The following OPCML variants were observed in gnomAD, a reference collection of about 807,000 sequenced individuals.
OPCML encodes opioid-binding protein/cell adhesion molecule.
Under a neutral mutation model 37.8 loss-of-function variants are expected in OPCML, and 13 were observed. The ratio of observed to expected loss-of-function variants is 0.34; its 90% CI spans 0.22 to 0.55. OPCML has a LOEUF of 0.55. OPCML is among the 20% of genes least tolerant of loss of function. The pLI, the probability that OPCML is intolerant of heterozygous loss-of-function variation, is 0.91. For synonymous variants in OPCML, 176 were observed against 168.8 expected (o/e 1.04, Z -0.33); for missense variants, 341 against 435.6 (o/e 0.78, Z 1.93).
chr11:133,129,253 G>A (rs1565461697), intron 1 of OPCML, among the ~76,000 whole-genome samples: 1 of 152,152 alleles, frequency 6.6e-6, no homozygotes, highest in Admixed American at 6.5e-5. Flanking sequence ...GTACTCAGTT[G>A]AGTACAGATC....
intron 4 of OPCML, among the ~76,000 whole-genome samples, chr11:132,518,061 T>A (rs1049162192): frequency 3.3e-5 from 5 of 152,208 alleles, no homozygotes; most frequent in African/African-American, 7.2e-5. Flanking sequence ...AAAACTTTTT[T>A]AAAAAATTAT....
intron 2 of OPCML, among the ~76,000 whole-genome samples, chr11:132,870,011 A>T (rs1216524905): frequency 6.6e-6 from 1 of 152,214 alleles, no homozygotes; most frequent in Non-Finnish European, 1.5e-5. Flanking sequence ...GGGATAAATA[A>T]CATCATGTAA....
chr11:133,176,418 T>C (rs1049492937), intron 1 of OPCML, among the ~76,000 whole-genome samples: 1 of 151,782 alleles, frequency 6.6e-6, no homozygotes, highest in Non-Finnish European at 1.5e-5. Context: ...GGTTTGGATA[T>C]TTGTCCCCCA....
intron 3 of OPCML, among the ~76,000 whole-genome samples, chr11:132,612,470 T>C (rs1251710263): frequency 6.6e-6 from 1 of 152,204 alleles, no homozygotes; most frequent in African/African-American, 2.4e-5. Context: ...TGAAACCTGT[T>C]TTATCTTGAG....
intron 3 of OPCML, among the ~76,000 whole-genome samples, chr11:132,631,377 C>A (rs1265077005): frequency 3.2e-5 from 4 of 126,536 alleles, no homozygotes; most frequent in East Asian, 2.1e-4. Context: ...ATATATATAT[C>A]TCCTAGGTGT....
chr11:132,808,254 G>A (rs888669520), intron 2 of OPCML, among the ~76,000 whole-genome samples: 1 of 152,198 alleles, frequency 6.6e-6, no homozygotes, highest in Non-Finnish European at 1.5e-5. Flanking sequence ...GCGGGATGTT[G>A]AGACACTATA....
chr11:133,457,985 A>T (rs1946709618), intron 1 of OPCML, among the ~76,000 whole-genome samples: 1 of 151,736 alleles, frequency 6.6e-6, no homozygotes, highest in South Asian at 2.1e-4. Context: ...TCTCTACTAA[A>T]AGTACAAAAA....
At chr11:132,796,768 C>T (rs1298793881) in intron 2 of OPCML, among the ~76,000 whole-genome samples, 10 of 151,694 alleles carry the variant, frequency 6.6e-5, no homozygotes, top group African/African-American at 2.2e-4. Flanking sequence ...TTAGTAGAGA[C>T]GGGGTTTCAC....
intron 1 of OPCML, among the ~76,000 whole-genome samples, chr11:133,448,776 T>A (rs1946523858): frequency 6.6e-6 from 1 of 152,218 alleles, no homozygotes; most frequent in Admixed American, 6.5e-5. Context: ...CTAGCATTTT[T>A]AAACCCAAGT....
intron 1 of OPCML, among the ~76,000 whole-genome samples, chr11:132,944,036 C>T (rs1055903842): frequency 2.6e-5 from 4 of 151,720 alleles, no homozygotes; most frequent in Admixed American, 6.6e-5. Flanking sequence ...CTCATCCCGA[C>T]GGGCGGGCGC....
intron 1 of OPCML, among the ~76,000 whole-genome samples, chr11:133,247,593 T>TTCATCTG (rs1565528134): frequency 2.0e-5 from 3 of 149,242 alleles, no homozygotes; most frequent in South Asian, 2.2e-4. Flanking sequence ...TCATCTGTCT[T>TTCATCTG]TCTTTCTTTC....
intron 1 of OPCML, among the ~76,000 whole-genome samples, chr11:133,090,527 G>C (rs186192352): frequency 3.4e-4 from 52 of 152,290 alleles, no homozygotes; most frequent in African/African-American, 1.2e-3. Flanking sequence ...GTGGAGACGA[G>C]AAATAATGTA....
intron 2 of OPCML, among the ~76,000 whole-genome samples, chr11:132,917,005 G>C (rs61906932): frequency 0.24 from 37,136 of 151,890 alleles, 7,861 homozygotes; most frequent in African/African-American, 0.57. Flanking sequence ...GCAGACACTG[G>C]TCCCTGGAGA....
chr11:132,922,031 C>A (rs1027755752), intron 2 of OPCML, among the ~76,000 whole-genome samples: 3 of 152,006 alleles, frequency 2.0e-5, no homozygotes, highest in African/African-American at 7.2e-5. Flanking sequence ...AGGCACCTGC[C>A]ACTGCGCCCG....
intron 1 of OPCML, among the ~76,000 whole-genome samples, chr11:133,125,239 T>C (rs1016095053): frequency 6.6e-6 from 1 of 152,134 alleles, no homozygotes; most frequent in African/African-American, 2.4e-5. Context: ...CCATTTTCCC[T>C]AAGTGAAAAC....
chr11:133,525,501 G>A (rs758769616), intron 1 of OPCML, among the ~76,000 whole-genome samples: 6 of 152,258 alleles, frequency 3.9e-5, no homozygotes, highest in Middle Eastern at 3.4e-3. Flanking sequence ...AAAGTCAACC[G>A]GAAGTCTACA....
chr11:133,252,936 G>A (rs1484117934), intron 1 of OPCML, among the ~76,000 whole-genome samples: 4 of 151,944 alleles, frequency 2.6e-5, no homozygotes, highest in Non-Finnish European at 4.4e-5. Context: ...TCACAAGGTC[G>A]AGAGTTCGAG....
chr11:133,097,088 A>G (rs1225659410), intron 1 of OPCML, among the ~76,000 whole-genome samples: 1 of 152,188 alleles, frequency 6.6e-6, no homozygotes, highest in Non-Finnish European at 1.5e-5. Flanking sequence ...CCAACAACAC[A>G]TGATCACACA....
At chr11:132,560,570 T>G (rs767692089) in intron 3 of OPCML, among the ~76,000 whole-genome samples, 1 of 152,208 alleles carries the variant, frequency 6.6e-6, no homozygotes, top group East Asian at 1.9e-4. Context: ...TGTTTTCTCA[T>G]AGTTTAGCTC....
Sources: gnomAD v4.1 joint callset for allele counts (sites outside exome capture counted in the v4.1 genomes callset) on GRCh38, gnomAD v4.1.1 for gene constraint, MANE v1.5 for transcripts, NCBI Gene and HGNC (gene_info 2026-07-23, HGNC 2026-07-21) for gene names.